Variants in FOCAD observed in about 807,000 individuals in gnomAD.
The protein encoded by FOCAD is KIAA1797.
In FOCAD, 198 loss-of-function variants were observed where a neutral mutation model predicts 225.6. That is an observed-to-expected ratio of 0.88 (90% CI 0.78 to 0.99). The LOEUF is 0.99. Ranked by LOEUF, FOCAD falls within the 50% of genes least tolerant of loss-of-function variation. FOCAD has a pLI of 0.00. For synonymous variants in FOCAD, 897 were observed against 755.0 expected (o/e 1.19, Z -3.08); for missense variants, 2,713 against 2,123.6 (o/e 1.28, Z -5.46).
chr9:20,809,184 C>T (rs1822785411), intron 11 of FOCAD, among the ~76,000 whole-genome samples: 1 of 152,108 alleles, frequency 6.6e-6, no homozygotes, highest in Admixed American at 6.6e-5. Flanking sequence ...TATTGATAGA[C>T]ATTTAAGTTT....
At chr9:20,969,339 T>C (rs1839557650) in intron 35 of FOCAD, among the ~76,000 whole-genome samples, 1 of 152,126 alleles carries the variant, frequency 6.6e-6, no homozygotes. Flanking sequence ...TAATCATACG[T>C]CTAGATATTC....
intron 6 of FOCAD, among the ~76,000 whole-genome samples, chr9:20,760,021 A>G (rs981342700): frequency 6.6e-6 from 1 of 152,124 alleles, no homozygotes; most frequent in African/African-American, 2.4e-5. Flanking sequence ...TATCCTTACT[A>G]CCATGACGCT....
chr9:20,726,978 T>C (rs1826248730), intron 4 of FOCAD, among the ~76,000 whole-genome samples: 1 of 152,174 alleles, frequency 6.6e-6, no homozygotes, highest in Non-Finnish European at 1.5e-5. Flanking sequence ...CATTTTAATC[T>C]GCAGCTGGGG....
At chr9:20,835,021 T>G (rs1051553555) in intron 15 of FOCAD, among the ~76,000 whole-genome samples, 2 of 152,126 alleles carry the variant, frequency 1.3e-5, no homozygotes, top group Non-Finnish European at 2.9e-5. Context: ...CTAGAAAATT[T>G]AAAAGGATAC....
intron 2 of FOCAD, among the ~76,000 whole-genome samples, chr9:20,667,971 C>T (rs942487841): frequency 4.6e-5 from 7 of 151,828 alleles, no homozygotes; most frequent in African/African-American, 9.7e-5. Context: ...AAGGTTTAAG[C>T]GTGTTTGGAC....
At chr9:20,987,606 A>G (rs372700738) in intron 40 of FOCAD, among the ~76,000 whole-genome samples, 28 of 152,316 alleles carry the variant, frequency 1.8e-4, no homozygotes, top group East Asian at 1.2e-3. Flanking sequence ...AAATGAACCT[A>G]TGATGAGAAA....
intron 35 of FOCAD, among the ~76,000 whole-genome samples, chr9:20,966,905 A>C (rs1839312170): frequency 6.6e-6 from 1 of 152,052 alleles, no homozygotes; most frequent in Non-Finnish European, 1.5e-5. Context: ...TATATGTACT[A>C]ATACCACGCT....
chr9:20,752,352 G>A (rs1437796484), intron 5 of FOCAD, among the ~76,000 whole-genome samples: 2 of 151,070 alleles, frequency 1.3e-5, no homozygotes, highest in Non-Finnish European at 3.0e-5. Context: ...GTAAGGAAGG[G>A]ATCCAGTTTC....
At chr9:20,766,248 GT>G (rs990601913) in intron 7 of FOCAD, among the ~76,000 whole-genome samples, 1 of 152,064 alleles carries the variant, frequency 6.6e-6, no homozygotes, top group African/African-American at 2.4e-5. Flanking sequence ...TAACCTAACA[GT>G]TATGTAAGAA....
chr9:20,881,980 T>A lies in FOCAD; in HGVS notation c.2427T>A (p.Thr809=). 6.2e-7 allele frequency: 1 copy of A among 1,613,958 alleles called. No homozygotes were observed. Among genetic ancestry groups the A allele is most frequent in the East Asian group, 2.2e-5 (1 of 44,868 alleles). ...KGGARSDQGK[T]VAGIPNFILK... ...GTGCCCGCTCAGACCAAGGAAAGAC[T>A]GTAGCAGGAATCCCCAATTTTATAT... The change falls in exon 20 of 44, where the codon ACT becomes ACA. Residue 809 remains threonine (T), a synonymous_variant. Coordinates refer to ENST00000338382, the MANE Select transcript of FOCAD (RefSeq NM_001375567.1).
At chr9:20,831,780 A>T (rs1440488148) in intron 15 of FOCAD, among the ~76,000 whole-genome samples, 1 of 152,062 alleles carries the variant, frequency 6.6e-6, no homozygotes, top group Non-Finnish European at 1.5e-5. Context: ...GAGTTTTGAA[A>T]AGCTTACTAA....
chr9:20,880,564 A>G (rs1384953622), intron 19 of FOCAD, among the ~76,000 whole-genome samples: 1 of 152,206 alleles, frequency 6.6e-6, no homozygotes, highest in Non-Finnish European at 1.5e-5. Flanking sequence ...AGGGTTGAGA[A>G]GGATAGAGGA....
chr9:20,934,717 A>G (rs146197218), intron 28 of FOCAD, among the ~76,000 whole-genome samples: 2 of 152,082 alleles, frequency 1.3e-5, no homozygotes, highest in Non-Finnish European at 2.9e-5. Flanking sequence ...TGCTTTGGCT[A>G]TGTGGACTTC....
chr9:20,670,283 A>T (rs1822020061), intron 2 of FOCAD, among the ~76,000 whole-genome samples: 1 of 152,232 alleles, frequency 6.6e-6, no homozygotes, highest in African/African-American at 2.4e-5. Context: ...AATCCTAATG[A>T]TCAATAAATC....
rs528427860 is a variant in FOCAD at position 20,713,696 on chromosome 9, T to C, written c.-32-1626T>C. ...TGCTGGACACACAATAGGCAACTAA[T>C]AAGTATTTGTTAAATGAGTGAATGA... On this transcript the variant is annotated intron_variant, in intron 1 of 43. Coordinates refer to ENST00000338382, the MANE Select transcript of FOCAD (RefSeq NM_001375567.1). 3.3e-5 allele frequency among the ~76,000 whole-genome samples: 5 copies of C among 152,362 alleles called. No individual in the cohort carries two copies. The South Asian group carries it at 1.0e-3, about 32-fold the overall frequency.
At chr9:20,721,182 T>G (rs574822218) in intron 4 of FOCAD, among the ~76,000 whole-genome samples, 5 of 152,332 alleles carry the variant, frequency 3.3e-5, no homozygotes, top group Non-Finnish European at 7.4e-5. Flanking sequence ...GTTGTCACTC[T>G]TTGCTTCAAG....
chr9:20,986,945 G>A (rs1176208426), intron 40 of FOCAD, among the ~76,000 whole-genome samples: 1 of 152,192 alleles, frequency 6.6e-6, no homozygotes, highest in Non-Finnish European at 1.5e-5. Context: ...TTGAAGCTCT[G>A]CTAATGAATC....
intron 16 of FOCAD, among the ~76,000 whole-genome samples, chr9:20,864,886 G>T (rs1419564406): frequency 6.6e-6 from 1 of 151,986 alleles, no homozygotes; most frequent in African/African-American, 2.4e-5. Flanking sequence ...TGATAGGAAG[G>T]TATCATTTTT....
intron 35 of FOCAD, among the ~76,000 whole-genome samples, chr9:20,967,341 A>C (rs1564216474): frequency 6.6e-6 from 1 of 152,156 alleles, no homozygotes; most frequent in Non-Finnish European, 1.5e-5. Context: ...ATATAAAAAC[A>C]CAACTAATTT....
Sources: gnomAD v4.1 joint callset for allele counts (sites outside exome capture counted in the v4.1 genomes callset) on GRCh38, gnomAD v4.1.1 for gene constraint, MANE v1.5 for transcripts, NCBI Gene and HGNC (gene_info 2026-07-23, HGNC 2026-07-21) for gene names.